RNLS: variants seen among roughly 807,000 people sequenced by gnomAD.
RNLS encodes the protein renalase.
In RNLS, 39 loss-of-function variants were observed where a neutral mutation model predicts 39.8. The ratio of observed to expected loss-of-function variants is 0.98; its 90% CI spans 0.76 to 1.28. The LOEUF is 1.28. Ranked by LOEUF, RNLS falls within the 50% of genes most tolerant of loss-of-function variation. RNLS has a pLI of 0.00. For missense variants in RNLS, 410 were observed against 413.3 expected (o/e 0.99, Z 0.07); for synonymous variants, 147 against 150.7 (o/e 0.98, Z 0.18).
At chr10:88,220,141 G>A in the RNLS span, among the ~76,000 whole-genome samples, 3 of 152,232 alleles carry the variant, frequency 2.0e-5, no homozygotes, top group Non-Finnish European at 4.4e-5. Flanking sequence ...TCACAGTTGA[G>A]GAGGCTGAAA....
chr10:88,428,198 A>T (rs1189384261), intron 4 of RNLS, among the ~76,000 whole-genome samples: 1 of 151,972 alleles, frequency 6.6e-6, no homozygotes. Flanking sequence ...TTTCTCATGA[A>T]GATGTGCAAG....
chr10:88,421,135 G>A (rs1394006649), intron 4 of RNLS, among the ~76,000 whole-genome samples: 2 of 152,208 alleles, frequency 1.3e-5, no homozygotes, highest in African/African-American at 2.4e-5. Flanking sequence ...GTAACAGCTT[G>A]GAGAGGTAAC....
intron 4 of RNLS, among the ~76,000 whole-genome samples, chr10:88,394,374 G>T (rs1336591848): frequency 2.0e-5 from 3 of 152,158 alleles, no homozygotes; most frequent in Non-Finnish European, 2.9e-5. Context: ...CCATCAAAAA[G>T]TGGGCAAAGG....
chr10:88,261,665 C>A, the RNLS span, among the ~76,000 whole-genome samples: 2 of 152,140 alleles, frequency 1.3e-5, no homozygotes, highest in Admixed American at 6.5e-5. Context: ...TTCTACCACA[C>A]CCTCCCTTTA....
At chr10:88,216,538 C>G in the RNLS span, among the ~76,000 whole-genome samples, 9 of 152,222 alleles carry the variant, frequency 5.9e-5, no homozygotes, top group African/African-American at 2.2e-4. Context: ...TCCAATAGGT[C>G]TAGCAAAAAT....
intron 4 of RNLS, among the ~76,000 whole-genome samples, chr10:88,363,794 T>C (rs1849822370): frequency 6.6e-6 from 1 of 152,184 alleles, no homozygotes; most frequent in South Asian, 2.1e-4. Context: ...ACCAGATATG[T>C]GACACTGGTC....
At chr10:88,190,237 C>T in the RNLS span, among the ~76,000 whole-genome samples, 1 of 152,228 alleles carries the variant, frequency 6.6e-6, no homozygotes, top group Admixed American at 6.5e-5. Flanking sequence ...AGAGGAACTG[C>T]TTCATTCTTT....
chr10:88,211,681 G>C, the RNLS span, among the ~76,000 whole-genome samples: 43 of 152,294 alleles, frequency 2.8e-4, no homozygotes, highest in South Asian at 1.7e-3. Flanking sequence ...CTGAAAGGTA[G>C]AGTGGGGTAG....
the RNLS span, among the ~76,000 whole-genome samples, chr10:88,256,558 G>T: frequency 6.6e-6 from 1 of 152,198 alleles, no homozygotes; most frequent in African/African-American, 2.4e-5. Context: ...TTTTCATGCG[G>T]GGTCCGCCCA....
the RNLS span, among the ~76,000 whole-genome samples, chr10:88,226,578 G>A: frequency 6.6e-6 from 1 of 152,134 alleles, no homozygotes; most frequent in African/African-American, 2.4e-5. Flanking sequence ...ATGAAGGTCA[G>A]CAAATTTGTT....
At chr10:88,406,843 G>A (rs1853305327) in intron 4 of RNLS, among the ~76,000 whole-genome samples, 1 of 151,958 alleles carries the variant, frequency 6.6e-6, no homozygotes, top group Non-Finnish European at 1.5e-5. Context: ...AGAAACTGTG[G>A]TATATGATGA....
chr10:88,444,701 A>G (rs1386362617), intron 4 of RNLS, among the ~76,000 whole-genome samples: 1 of 152,242 alleles, frequency 6.6e-6, no homozygotes, highest in African/African-American at 2.4e-5. Context: ...CGATTCGATC[A>G]ACTGGAAGAA....
At chr10:88,428,186 C>A (rs1854919895) in intron 4 of RNLS, among the ~76,000 whole-genome samples, 1 of 151,924 alleles carries the variant, frequency 6.6e-6, no homozygotes, top group Admixed American at 6.6e-5. Flanking sequence ...GCTCCATTTC[C>A]ATTTCTCATG....
chr10:88,458,997 A>ACTCT (rs920316942), intron 4 of RNLS, among the ~76,000 whole-genome samples: 10 of 152,266 alleles, frequency 6.6e-5, no homozygotes, highest in Admixed American at 5.9e-4. Context: ...TATATCTAGA[A>ACTCT]CTCTCACTCA....
chr10:88,280,464 T>C (rs1339631363), downstream of RNLS, among the ~76,000 whole-genome samples: 4 of 152,182 alleles, frequency 2.6e-5, no homozygotes, highest in African/African-American at 9.6e-5. Flanking sequence ...CGTAAAGTGA[T>C]AGGTTTAAGA....
chr10:88,176,784 T>C, the RNLS span, among the ~76,000 whole-genome samples: 1 of 152,220 alleles, frequency 6.6e-6, no homozygotes, highest in Non-Finnish European at 1.5e-5. Flanking sequence ...GGGACAGTCT[T>C]TTAATTTATG....
intron 3 of RNLS, among the ~76,000 whole-genome samples, chr10:88,581,309 T>TAC (rs2134503870): frequency 6.8e-6 from 1 of 147,908 alleles, no homozygotes; most frequent in African/African-American, 2.5e-5. Context: ...TATATATATA[T>TAC]ATATATACAT....
intron 4 of RNLS, among the ~76,000 whole-genome samples, chr10:88,495,416 T>C (rs1421852611): frequency 6.6e-6 from 1 of 152,110 alleles, no homozygotes; most frequent in African/African-American, 2.4e-5. Flanking sequence ...CTATAACTCT[T>C]ATGGCAAATG....
chr10:88,524,221 T>C (rs1453686511), intron 4 of RNLS, among the ~76,000 whole-genome samples: 3 of 152,102 alleles, frequency 2.0e-5, no homozygotes, highest in African/African-American at 7.2e-5. Context: ...GTCTATCCTG[T>C]TCTGTAACAG....
Sources: gnomAD v4.1 joint callset for allele counts (sites outside exome capture counted in the v4.1 genomes callset) on GRCh38, gnomAD v4.1.1 for gene constraint, MANE v1.5 for transcripts, NCBI Gene and HGNC (gene_info 2026-07-23, HGNC 2026-07-21) for gene names.